Variants in SLC24A3 observed in about 807,000 individuals in gnomAD.
SLC24A3 encodes solute carrier family 24 member 3.
SLC24A3 carries 28 observed loss-of-function variants against 75.8 expected under a neutral mutation model. The observed-to-expected ratio is 0.37, with a 90% CI of 0.27 to 0.51. The LOEUF (loss-of-function observed/expected upper bound fraction) is 0.51. Among genes scored for constraint, SLC24A3 ranks in the 20% least tolerant of loss-of-function variants. The probability of loss-of-function intolerance (pLI) is 0.94; values close to 1 mark genes in which losing one functional copy is unlikely to be tolerated. For missense variants in SLC24A3, 663 were observed against 847.8 expected, an observed-to-expected ratio of 0.78 and a Z score of 2.71; for synonymous variants, 372 against 334.1, an observed-to-expected ratio of 1.11 and a Z score of -1.24.
intron 2 of SLC24A3, among the ~76,000 whole-genome samples, chr20:19,492,268 G>T (rs1988220404): frequency 6.6e-6 from 1 of 152,214 alleles, no homozygotes; most frequent in South Asian, 2.1e-4. Context: ...AAAAGCCTGG[G>T]CTCTGGAGTC....
intron 6 of SLC24A3, among the ~76,000 whole-genome samples, chr20:19,600,532 G>A (rs1365027808): frequency 6.6e-6 from 1 of 152,206 alleles, no homozygotes; most frequent in African/African-American, 2.4e-5. Flanking sequence ...TTGAACTGAA[G>A]CAAAATGTTT....
intron 2 of SLC24A3, among the ~76,000 whole-genome samples, chr20:19,436,960 G>C (rs6112377): frequency 6.6e-6 from 1 of 152,218 alleles, no homozygotes; most frequent in Non-Finnish European, 1.5e-5. Context: ...GTGGGGGCTA[G>C]GTGTACCCAC....
intron 2 of SLC24A3, among the ~76,000 whole-genome samples, chr20:19,430,006 G>A (rs1219589025): frequency 6.6e-6 from 1 of 152,108 alleles, no homozygotes; most frequent in East Asian, 1.9e-4. Context: ...CCACCCTAGG[G>A]GCTGCACAAA....
intron 7 of SLC24A3, among the ~76,000 whole-genome samples, chr20:19,663,199 C>T (rs1348607098): frequency 2.0e-5 from 3 of 151,886 alleles, no homozygotes; most frequent in Admixed American, 6.5e-5. Context: ...TCCCAAGGTG[C>T]TAGGATTGCA....
intron 1 of SLC24A3, among the ~76,000 whole-genome samples, chr20:19,255,556 G>A (rs1197906605): frequency 6.6e-6 from 1 of 152,230 alleles, no homozygotes; most frequent in Non-Finnish European, 1.5e-5. Flanking sequence ...AGGAATGCTT[G>A]GGTTCAAGCT....
At chr20:19,287,901 C>T (rs1306603046) in intron 2 of SLC24A3, among the ~76,000 whole-genome samples, 1 of 152,208 alleles carries the variant, frequency 6.6e-6, no homozygotes, top group East Asian at 1.9e-4. Context: ...ACCTCATTTC[C>T]ACCCTCTGTA....
At chr20:19,510,193 C>T (rs901802501) in intron 2 of SLC24A3, among the ~76,000 whole-genome samples, 2 of 152,174 alleles carry the variant, frequency 1.3e-5, no homozygotes, top group African/African-American at 4.8e-5. Context: ...GCAACAAATG[C>T]CCTTTGCAAA....
At chr20:19,221,422 G>A (rs1333602427) in intron 1 of SLC24A3, among the ~76,000 whole-genome samples, 1 of 152,140 alleles carries the variant, frequency 6.6e-6, no homozygotes, top group Non-Finnish European at 1.5e-5. Flanking sequence ...TGAAAGCCCT[G>A]CTCCCTGGAA....
chr20:19,513,735 T>TAAAA (rs1568640205), intron 2 of SLC24A3, among the ~76,000 whole-genome samples: 1,655 of 96,734 alleles, frequency 0.017, 33 homozygotes, highest in African/African-American at 0.064. Flanking sequence ...TGCTTTTTTT[T>TAAAA]TAGAAAAAAA....
At chr20:19,362,321 G>A (rs923510141) in intron 2 of SLC24A3, among the ~76,000 whole-genome samples, 1 of 152,154 alleles carries the variant, frequency 6.6e-6, no homozygotes, top group Non-Finnish European at 1.5e-5. Context: ...TTAGAGAAAG[G>A]GTTTTTGAGC....
At chr20:19,300,694 C>CT (rs1984174157) in intron 2 of SLC24A3, among the ~76,000 whole-genome samples, 1 of 152,160 alleles carries the variant, frequency 6.6e-6, no homozygotes, top group African/African-American at 2.4e-5. Context: ...GACTGACTGG[C>CT]TTCTTGACTC....
intron 6 of SLC24A3, among the ~76,000 whole-genome samples, chr20:19,613,897 C>T (rs1479788962): frequency 1.3e-5 from 2 of 152,206 alleles, no homozygotes; most frequent in Non-Finnish European, 2.9e-5. Flanking sequence ...TTCCCATGCA[C>T]CACCCTGTTC....
chr20:19,291,833 A>G (rs1301306303), intron 2 of SLC24A3, among the ~76,000 whole-genome samples: 2 of 152,182 alleles, frequency 1.3e-5, no homozygotes, highest in Non-Finnish European at 2.9e-5. Context: ...AAAAAAAGAA[A>G]AAAGGCAAGA....
At chr20:19,580,200 G>A (rs1287886689) in intron 4 of SLC24A3, 126 bp downstream of exon 4, 1 of 702,204 alleles carries the variant, frequency 1.4e-6, no homozygotes, top group Non-Finnish European at 2.4e-6. Flanking sequence ...GGGAACACCA[G>A]GCATCACCAT....
rs536404125 is a variant in SLC24A3, at chr20:19,615,001, C to A, written c.612+29457C>A. On this transcript the variant is annotated intron_variant, in intron 6 of 16. Coordinates refer to ENST00000328041, the MANE Select transcript of SLC24A3 (RefSeq NM_020689.4). ...ATAATCTTTTTGTTAAAGCCGTAAT[C>A]TTTTAAGCTTTAATTTTACAGACTA... Among the ~76,000 whole-genome samples the A allele has an allele frequency of 7.9e-5, 12 of 152,310 alleles. No homozygotes were observed. In the South Asian group the frequency reaches 2.5e-3, roughly 32 times the overall value.
intron 13 of SLC24A3, chr20:19,695,682 T>G (rs555757522): frequency 6.6e-6 from 1 of 152,364 alleles, no homozygotes; most frequent in East Asian, 1.9e-4. Context: ...CGTGCTGAAT[T>G]TAAACTGAGG....
chr20:19,432,946 C>T (rs1363774597), intron 2 of SLC24A3, among the ~76,000 whole-genome samples: 5 of 152,122 alleles, frequency 3.3e-5, no homozygotes, highest in African/African-American at 7.2e-5. Flanking sequence ...TCCTATTGCT[C>T]AAGGTCATCG....
intron 2 of SLC24A3, among the ~76,000 whole-genome samples, chr20:19,400,378 C>T (rs767751055): frequency 6.6e-5 from 10 of 152,140 alleles, no homozygotes; most frequent in Non-Finnish European, 1.3e-4. Context: ...CTAATTATTA[C>T]CCACTTCTGA....
At chr20:19,613,158 T>A (rs911250656) in intron 6 of SLC24A3, among the ~76,000 whole-genome samples, 1 of 152,256 alleles carries the variant, frequency 6.6e-6, no homozygotes, top group African/African-American at 2.4e-5. Flanking sequence ...CTCTGTCTTT[T>A]AAGTTTTAAT....
Sources: allele counts gnomAD v4.1 joint callset (sites outside exome capture counted in the v4.1 genomes callset), GRCh38; gene constraint gnomAD v4.1.1; transcripts MANE v1.5; gene names NCBI Gene and HGNC (gene_info 2026-07-23, HGNC 2026-07-21).